Variants in HMCN1 observed in about 807,000 individuals in gnomAD.
HMCN1 encodes the protein hemicentin 1, also known as hemicentin-1.
In HMCN1, 321 loss-of-function variants were observed where a neutral mutation model predicts 625.9. The ratio of observed to expected loss-of-function variants is 0.51; its 90% CI spans 0.47 to 0.56. The LOEUF is 0.56. Among genes scored for constraint, HMCN1 ranks in the 20% least tolerant of loss-of-function variants. The pLI is 0.00. For synonymous variants in HMCN1, 2,425 were observed against 2,417.6 expected, an observed-to-expected ratio of 1.00 and a Z score of -0.09; for missense variants, 6,588 against 6,887.3, an observed-to-expected ratio of 0.96 and a Z score of 1.54.
intron 15 of HMCN1, among the ~76,000 whole-genome samples, chr1:185,973,890 G>A (rs577392211): frequency 6.6e-6 from 1 of 152,112 alleles, no homozygotes; most frequent in Admixed American, 6.6e-5. Flanking sequence ...TTGCGGTTTG[G>A]TGGAACCAAA....
chr1:185,915,873 T>C (rs1666669632), intron 6 of HMCN1, among the ~76,000 whole-genome samples: 1 of 152,040 alleles, frequency 6.6e-6, no homozygotes, highest in Non-Finnish European at 1.5e-5. Context: ...AGTAAATAGA[T>C]TAGGTGTAGC....
intron 68 of HMCN1, among the ~76,000 whole-genome samples, chr1:186,100,429 C>T (rs1266077646): frequency 6.6e-6 from 1 of 152,018 alleles, no homozygotes; most frequent in African/African-American, 2.4e-5. Flanking sequence ...TATAGTGGTT[C>T]TGAAAAGTCC....
chr1:186,112,875 G>A lies in HMCN1; in HGVS notation c.11053G>A (p.Gly3685Ser). Residue 3685 changes from glycine (G) to serine (S), a missense_variant, in exon 72 of 107, where the codon GGT (glycine) becomes AGT (serine). Physicochemically the swap from Gly to Ser is moderately conservative, Grantham distance 56. Transcript: ENST00000271588. ...RYLQINNADL[G>S]DTANYTCVAS... Reference sequence around the variant, plus strand: ...CTTGCAAATCAACAATGCTGACCTAGGTGATACAGCCAATTATACCTGTGT... The same window carrying A: ...CTTGCAAATCAACAATGCTGACCTAAGTGATACAGCCAATTATACCTGTGT... 1 of 1,614,120 alleles carries A rather than the reference G, an allele frequency of 6.2e-7. No homozygotes were observed. The highest frequency in any genetic ancestry group is 1.3e-5 in the African/African-American group (1 of 75,036).
intron 2 of HMCN1, among the ~76,000 whole-genome samples, chr1:185,862,230 T>G (rs952817279): frequency 2.0e-5 from 3 of 152,178 alleles, no homozygotes; most frequent in Non-Finnish European, 4.4e-5. Context: ...TGAAATATTT[T>G]AAGTAGGAAC....
rs906165439 is a variant in HMCN1, at chr1:185,970,367, A to G, written c.2245A>G (p.Ile749Val). Reference protein sequence around the residue: ...DLELRPSTFLIIDPLLGLLKI... With the variant: ...DLELRPSTFLVIDPLLGLLKI... Reference sequence around the variant, plus strand: ...TGAGTTGAGGCCCTCAACATTCCTCATTATTGACCCTCTCTTGGGACTTTT... The same window carrying G: ...TGAGTTGAGGCCCTCAACATTCCTCGTTATTGACCCTCTCTTGGGACTTTT... The change falls in exon 15 of 107, where the codon ATT (isoleucine) becomes GTT (valine). Residue 749 changes from isoleucine (I) to valine (V), a missense_variant. This residue lies in a region of HMCN1 where 4,628 missense variants were observed against 4,853.1 expected (regional missense o/e 0.95). Transcript: ENST00000271588. 2 of 1,613,862 alleles carry G rather than the reference A, an allele frequency of 1.2e-6. No homozygotes were observed. The highest frequency in any genetic ancestry group is 1.7e-6 in the Non-Finnish European group (2 of 1,179,784).
chr1:185,823,977 T>C (rs1426757445), intron 1 of HMCN1, among the ~76,000 whole-genome samples: 1 of 152,194 alleles, frequency 6.6e-6, no homozygotes, highest in Admixed American at 6.5e-5. Flanking sequence ...TTTGTTTGTT[T>C]ATTTTGTCAC....
chr1:185,860,501 TA>T (rs1451467408), intron 2 of HMCN1, among the ~76,000 whole-genome samples: 2 of 152,076 alleles, frequency 1.3e-5, no homozygotes, highest in Non-Finnish European at 2.9e-5. Context: ...TTTTAAGAGA[TA>T]GCTTGCTATG....
In HMCN1 at chr1:186,130,025, G is replaced by T. The variant is rs1661844813; in HGVS notation, c.12964G>T (p.Asp4322Tyr). ...TGTTATTGAAAGAGTGTCAAAAGAG[G>T]ATTCAGGTACTTATGTGTGCACCGC... ...ELVIERVSKE[D>Y]SGTYVCTAEN... Residue 4322 changes from aspartate (D) to tyrosine (Y), a missense_variant, in exon 84 of 107, where the codon GAT becomes TAT. Physicochemically the swap from Asp to Tyr is radical, Grantham distance 160 (BLOSUM62 -3). Transcript: ENST00000271588. 4 of 1,613,310 alleles carry T rather than the reference G, an allele frequency of 2.5e-6. No individual in the cohort carries two copies. Among genetic ancestry groups the T allele is most frequent in the Non-Finnish European group, 3.4e-6 (4 of 1,179,476 alleles).
chr1:186,169,363 A>C (rs1285045933), intron 100 of HMCN1, among the ~76,000 whole-genome samples: 1 of 152,218 alleles, frequency 6.6e-6, no homozygotes, highest in Non-Finnish European at 1.5e-5. Context: ...TGTGGAACCA[A>C]AAAAGAGCCC....
At chr1:186,017,212 C>G in intron 33 of HMCN1, 141 bp downstream of exon 33, 3 of 672,026 alleles carry the variant, frequency 4.5e-6, no homozygotes, top group South Asian at 1.5e-5. Context: ...AAGACATGCT[C>G]TATATACAAG....
intron 22 of HMCN1, among the ~76,000 whole-genome samples, chr1:185,991,159 G>A (rs899779867): frequency 4.6e-5 from 7 of 152,066 alleles, no homozygotes; most frequent in African/African-American, 1.7e-4. Flanking sequence ...CAAGGCAAAA[G>A]TTACTGGTGA....
chr1:186,017,219 C>G, intron 33 of HMCN1, 148 bp downstream of exon 33: 1 of 662,286 alleles, frequency 1.5e-6, no homozygotes, highest in Non-Finnish European at 2.8e-6. Context: ...GCTCTATATA[C>G]AAGGCAATGT....
intron 96 of HMCN1, 131 bp from the exon 97 acceptor site, chr1:186,153,619 C>T: frequency 1.3e-6 from 1 of 771,372 alleles, no homozygotes; most frequent in Non-Finnish European, 2.4e-6. Flanking sequence ...TAAATGTTTA[C>T]CATCATGCAT....
At chr1:186,037,820 T>C in intron 36 of HMCN1, 114 bp from the exon 37 acceptor site, 1 of 717,978 alleles carries the variant, frequency 1.4e-6, no homozygotes, top group Non-Finnish European at 2.6e-6. Flanking sequence ...TAGGTCAGTG[T>C]ATATATGTGA....
Position 186,188,497 on chromosome 1 carries a change from C to T in HMCN1, c.16541+488C>T, listed in dbSNP as rs184328834. On this transcript the variant is annotated intron_variant, in intron 106 of 106. Transcript: ENST00000271588. ...TTCATACATCATCTTGCTTATATTT[C>T]CTTCTGTCTGAAACAGGCTTTTCTG... 4.7e-3 allele frequency among the ~76,000 whole-genome samples: 714 copies of T among 152,290 alleles called. 5 individuals are homozygous for T. The highest frequency in any genetic ancestry group is 7.1e-3 in the Non-Finnish European group (481 of 68,018).
At chr1:186,025,374 G>A (rs149358423) in intron 36 of HMCN1, among the ~76,000 whole-genome samples, 2 of 152,262 alleles carry the variant, frequency 1.3e-5, no homozygotes, top group African/African-American at 4.8e-5. Context: ...TAGAACAGAT[G>A]CTCTAAAATT....
intron 1 of HMCN1, among the ~76,000 whole-genome samples, chr1:185,810,237 G>A (rs1385908870): frequency 1.3e-5 from 2 of 152,064 alleles, no homozygotes; most frequent in Non-Finnish European, 2.9e-5. Context: ...CAGTGAGTTC[G>A]TAGCTTTAAT....
chr1:186,090,652 TC>T (rs1659789493), intron 63 of HMCN1, 105 bp from the exon 64 acceptor site: 1 of 1,315,970 alleles, frequency 7.6e-7, no homozygotes. Flanking sequence ...TGAACCATAA[TC>T]TACAAAGAAT....
intron 68 of HMCN1, among the ~76,000 whole-genome samples, chr1:186,099,024 A>G (rs1293044939): frequency 1.3e-5 from 2 of 152,104 alleles, no homozygotes; most frequent in Admixed American, 6.6e-5. Flanking sequence ...CAAGGGAGAC[A>G]GGGGGAGTAG....
Sources: gnomAD v4.1 joint callset for allele counts (sites outside exome capture counted in the v4.1 genomes callset) on GRCh38, gnomAD v4.1.1 for gene constraint, gnomAD v4.1.1 regional missense constraint, MANE v1.5 for transcripts, NCBI Gene and HGNC (gene_info 2026-07-23, HGNC 2026-07-21) for gene names.